The following CADM2 variants were observed in gnomAD, a reference collection of about 807,000 sequenced individuals.
The protein encoded by CADM2 is cell adhesion molecule 2.
Under a neutral mutation model 49.8 loss-of-function variants are expected in CADM2, and 12 were observed. The observed-to-expected ratio is 0.24, with a 90% CI of 0.15 to 0.39. The LOEUF (loss-of-function observed/expected upper bound fraction) is 0.39. Among genes scored for constraint, CADM2 ranks in the 10% least tolerant of loss-of-function variants. The pLI, the probability that CADM2 is intolerant of heterozygous loss-of-function variation, is 1.00. For synonymous variants in CADM2, 214 were observed against 175.4 expected, an observed-to-expected ratio of 1.22 and a Z score of -1.74; for missense variants, 378 against 492.3, an observed-to-expected ratio of 0.77 and a Z score of 2.20.
chr3:85,401,580 C>A lies in CADM2; in HGVS notation c.62-324942C>A, dbSNP rs1020052200. 6.6e-5 allele frequency among the ~76,000 whole-genome samples: 10 copies of A among 152,248 alleles called. No individual in the cohort carries two copies. The Middle Eastern group carries it at 0.01, about 155-fold the overall frequency. ...CAAGGACACTTAGATTGAAGGAGGA[C>A]ATTCTGGATGCCCAGAAAATCCATG... On this transcript the variant is annotated intron_variant, in intron 1 of 9. Transcript: ENST00000383699.
Position 85,213,577 on chromosome 3 carries a change from A to G in CADM2, c.61+253909A>G, listed in dbSNP as rs182371411. ...TTAGTTTATATCTGCTAAGTGGTCT[A>G]TAACCTTCTTGTACTTCCATATTCA... On this transcript the variant is annotated intron_variant, in intron 1 of 9. Transcript: ENST00000383699. Among the ~76,000 whole-genome samples, 274 of 152,164 alleles carry G rather than the reference A, an allele frequency of 1.8e-3. 1 individual carries two copies. The highest frequency in any genetic ancestry group is 6.3e-3 in the African/African-American group (262 of 41,486).
chr3:85,206,703 C>T (rs1332935973), intron 1 of CADM2, among the ~76,000 whole-genome samples: 1 of 151,976 alleles, frequency 6.6e-6, no homozygotes, highest in Non-Finnish European at 1.5e-5. Flanking sequence ...TTTTCATTGT[C>T]TTTTTTTCTG....
intron 1 of CADM2, among the ~76,000 whole-genome samples, chr3:85,042,488 C>A (rs1310658758): frequency 2.0e-5 from 3 of 150,428 alleles, no homozygotes; most frequent in Non-Finnish European, 4.5e-5. Flanking sequence ...CTGCTTTTTT[C>A]TTTTATTGTG....
chr3:85,927,271 G>A (rs1047843459), intron 6 of CADM2, among the ~76,000 whole-genome samples: 1 of 152,100 alleles, frequency 6.6e-6, no homozygotes, highest in Non-Finnish European at 1.5e-5. Context: ...CTTAATTGAG[G>A]TCCAGTAGTT....
At chr3:85,996,100 A>T (rs978597935) in intron 8 of CADM2, among the ~76,000 whole-genome samples, 9 of 150,544 alleles carry the variant, frequency 6.0e-5, no homozygotes, top group African/African-American at 2.2e-4. Context: ...AAAAAAAAAA[A>T]TAAAAAATAA....
intron 1 of CADM2, among the ~76,000 whole-genome samples, chr3:85,215,357 TTAAAAAAA>T (rs1377626192): frequency 9.6e-5 from 11 of 114,388 alleles, no homozygotes; most frequent in East Asian, 2.5e-4. Flanking sequence ...TCTCTCTTTT[TTAAAAAAA>T]AAAAAAAAAA....
At chr3:85,152,505 T>C (rs2039956667) in intron 1 of CADM2, among the ~76,000 whole-genome samples, 1 of 152,222 alleles carries the variant, frequency 6.6e-6, no homozygotes, top group Non-Finnish European at 1.5e-5. Flanking sequence ...GATTTGTCTT[T>C]AATGTTTTAG....
chr3:85,955,244 A>G lies in CADM2; in HGVS notation c.792-6225A>G, dbSNP rs1347655259. 2.6e-5 allele frequency among the ~76,000 whole-genome samples: 4 copies of G among 151,464 alleles called. No individual in the cohort carries two copies. In the East Asian group the frequency reaches 5.9e-4, roughly 22 times the overall value. Reference sequence around the variant, plus strand: ...GAAAAGTAAGTTTAATTTTCATAGGATTAATTTTAGTGCTAGACCCCAACA... The same window carrying G: ...GAAAAGTAAGTTTAATTTTCATAGGGTTAATTTTAGTGCTAGACCCCAACA... On this transcript the variant is annotated intron_variant, in intron 7 of 9. Coordinates refer to ENST00000383699, the MANE Select transcript of CADM2 (RefSeq NM_001167675.2).
intron 1 of CADM2, among the ~76,000 whole-genome samples, chr3:85,552,230 A>G (rs1216992726): frequency 6.6e-6 from 1 of 152,160 alleles, no homozygotes; most frequent in African/African-American, 2.4e-5. Flanking sequence ...AGATCAAACA[A>G]TTAGGAGGCA....
intron 1 of CADM2, among the ~76,000 whole-genome samples, chr3:85,478,082 A>G (rs1451464847): frequency 6.6e-6 from 1 of 151,940 alleles, no homozygotes; most frequent in Non-Finnish European, 1.5e-5. Context: ...TCTTCAAAGT[A>G]CTTTTAGTTT....
At chr3:85,985,209 G>C (rs752668987) in intron 8 of CADM2, among the ~76,000 whole-genome samples, 7 of 151,602 alleles carry the variant, frequency 4.6e-5, no homozygotes, top group Non-Finnish European at 8.8e-5. Flanking sequence ...GCCTGTTAAG[G>C]GCCCATTACT....
chr3:85,373,586 A>T (rs1175725834), intron 1 of CADM2, among the ~76,000 whole-genome samples: 1 of 151,904 alleles, frequency 6.6e-6, no homozygotes, highest in Non-Finnish European at 1.5e-5. Flanking sequence ...GGGGTCTCTG[A>T]CCCCACATTT....
chr3:85,810,532 G>GTT (rs71112120), intron 3 of CADM2, among the ~76,000 whole-genome samples: 2,017 of 87,258 alleles, frequency 0.023, 29 homozygotes, highest in Non-Finnish European at 0.032. Context: ...ATAGAATTCT[G>GTT]TTTTTTTTTT....
At chr3:85,337,891 T>C (rs960889728) in intron 1 of CADM2, among the ~76,000 whole-genome samples, 17 of 151,698 alleles carry the variant, frequency 1.1e-4, no homozygotes, top group African/African-American at 3.6e-4. Flanking sequence ...TATACTCTCA[T>C]ATATTTTAAT....
rs189981694 is a variant in CADM2 at position 85,116,081 on chromosome 3, C to T, written c.61+156413C>T. Among the ~76,000 whole-genome samples the T allele has an allele frequency of 1.9e-3, 289 of 152,312 alleles. 1 individual carries two copies. Among genetic ancestry groups the T allele is most frequent in the African/African-American group, 6.4e-3 (268 of 41,584 alleles). ...GTGGCTCACGCCTGTAATCCCAGCACTTTGGGAGGCTGAGGCGGGCAGATT... is the reference window on the plus strand; with the variant it reads ...GTGGCTCACGCCTGTAATCCCAGCATTTTGGGAGGCTGAGGCGGGCAGATT... On this transcript the variant is annotated intron_variant, in intron 1 of 9. Coordinates refer to ENST00000383699, the MANE Select transcript of CADM2 (RefSeq NM_001167675.2).
intron 1 of CADM2, among the ~76,000 whole-genome samples, chr3:85,399,783 G>A (rs1205283443): frequency 1.3e-5 from 2 of 151,916 alleles, no homozygotes; most frequent in African/African-American, 4.8e-5. Flanking sequence ...TGTTATTGGT[G>A]TATAAGAATG....
At chr3:86,040,121 C>G (rs1029828079) in intron 8 of CADM2, among the ~76,000 whole-genome samples, 9 of 152,064 alleles carry the variant, frequency 5.9e-5, no homozygotes, top group African/African-American at 1.9e-4. Flanking sequence ...GAAAAAACCA[C>G]AAAGATGGGG....
At chr3:85,693,532 A>T (rs1339105638) in intron 1 of CADM2, among the ~76,000 whole-genome samples, 1 of 145,562 alleles carries the variant, frequency 6.9e-6, no homozygotes, top group African/African-American at 2.5e-5. Context: ...GTGAGCCGAG[A>T]TAGTGCCACT....
chr3:84,988,032 G>T (rs916539560), intron 1 of CADM2, among the ~76,000 whole-genome samples: 1 of 152,128 alleles, frequency 6.6e-6, no homozygotes, highest in Non-Finnish European at 1.5e-5. Context: ...CAGACATGGA[G>T]AAAACAAAAC....
Sources: gnomAD v4.1 joint callset for allele counts (sites outside exome capture counted in the v4.1 genomes callset) on GRCh38, gnomAD v4.1.1 for gene constraint, MANE v1.5 for transcripts, NCBI Gene and HGNC (gene_info 2026-07-23, HGNC 2026-07-21) for gene names.